PKD1L3: variants seen among roughly 807,000 people sequenced by gnomAD.
PKD1L3 encodes polycystin 1 like 3, transient receptor potential channel interacting, also known as polycystin-1-like protein 3.
In PKD1L3, 239 loss-of-function variants were observed where a neutral mutation model predicts 184.1. The observed-to-expected ratio is 1.30, with a 90% CI of 1.17 to 1.45. PKD1L3 has a LOEUF of 1.45. PKD1L3 is among the 40% of genes most tolerant of loss of function. PKD1L3 has a pLI of 0.00. For synonymous variants in PKD1L3, 996 were observed against 778.8 expected (o/e 1.28, Z -4.64); for missense variants, 2,660 against 2,067.2 (o/e 1.29, Z -5.56).
chr16:71,983,991 T>C, intron 6 of PKD1L3, 45 bp downstream of exon 6: 3 of 1,544,870 alleles, frequency 1.9e-6, no homozygotes, highest in Non-Finnish European at 2.6e-6. Context: ...TTTTCCGCTT[T>C]TCCCTCTCTC....
At chr16:71,983,633 G>A (rs2040242016) in intron 6 of PKD1L3, among the ~76,000 whole-genome samples, 1 of 144,206 alleles carries the variant, frequency 6.9e-6, no homozygotes, top group African/African-American at 2.6e-5. Context: ...TGCTAAGCTT[G>A]GCATAAGGCA....
At position 71,951,608 on chromosome 16, in the gene PKD1L3, T is replaced by TC. The variant is rs1440770973; in HGVS notation, c.3145dup (p.Glu1049GlyfsTer19). ...TCCCTGCTGATGACAGCCTTGACCCTCCAAGTGAGATGATACGAGGCTGGA... is the reference window on the plus strand; with the variant it reads ...TCCCTGCTGATGACAGCCTTGACCCTCCCAAGTGAGATGATACGAGGCTGGA... On this transcript the variant is annotated frameshift_variant, in exon 19 of 30. Coordinates refer to ENST00000620267, the MANE Select transcript of PKD1L3 (RefSeq NM_181536.2). LOFTEE classifies it high-confidence loss of function. The TC allele has an allele frequency of 3.9e-6, 6 of 1,551,720 alleles. No homozygotes were observed. Among genetic ancestry groups the TC allele is most frequent in the Non-Finnish European group, 5.2e-6 (6 of 1,147,020 alleles).
At position 71,933,427 on chromosome 16, in the gene PKD1L3, T is replaced by C; in HGVS notation, c.4919A>G (p.Gln1640Arg). The C allele has an allele frequency of 6.5e-7, 1 of 1,541,946 alleles. No individual in the cohort carries two copies. The highest frequency in any genetic ancestry group is 8.8e-7 in the Non-Finnish European group (1 of 1,138,112). ...VVGLLMGISH[Q>R]EEVFALDPVL... ...ACAAATTATTATTTTTACCTCCTCT[T>C]GGTGAGAAATTCCCATCAGGAGACC... Residue 1640 changes from glutamine to arginine, a missense_variant, in exon 28 of 30, where the codon CAA becomes CGA. Transcript: ENST00000620267.
At chr16:71,992,390 A>T (rs2040622152) in intron 3 of PKD1L3, among the ~76,000 whole-genome samples, 1 of 152,232 alleles carries the variant, frequency 6.6e-6, no homozygotes, top group African/African-American at 2.4e-5. Flanking sequence ...TGACACTTAA[A>T]GCCACATGTT....
intron 21 of PKD1L3, among the ~76,000 whole-genome samples, chr16:71,948,144 C>T (rs980842346): frequency 6.6e-6 from 1 of 152,042 alleles, no homozygotes. Flanking sequence ...TACAACGGCA[C>T]GATCTTGGCT....
intron 22 of PKD1L3, among the ~76,000 whole-genome samples, chr16:71,945,288 A>AT (rs2038534550): frequency 1.5e-5 from 1 of 66,382 alleles, no homozygotes; most frequent in African/African-American, 6.3e-5. Context: ...ATATATATAT[A>AT]TATATATATA....
chr16:71,987,070 G>A (rs992547343), intron 4 of PKD1L3, among the ~76,000 whole-genome samples: 36 of 148,574 alleles, frequency 2.4e-4, no homozygotes, highest in African/African-American at 5.5e-4. Context: ...GATTACAGGC[G>A]TGCACCACCA....
intron 16 of PKD1L3, among the ~76,000 whole-genome samples, chr16:71,958,756 A>C (rs1480560018): frequency 7.6e-6 from 1 of 132,174 alleles, no homozygotes; most frequent in African/African-American, 2.9e-5. Flanking sequence ...ACTCCAGCCT[A>C]GGCGATAGAG....
Position 71,999,704 on chromosome 16 carries a change from T to A in PKD1L3, c.275A>T (p.His92Leu), listed in dbSNP as rs374446932. The A allele has an allele frequency of 1.3e-6, 2 of 1,549,008 alleles. No homozygotes were observed. Among genetic ancestry groups the A allele is most frequent in the Non-Finnish European group, 1.7e-6 (2 of 1,145,182 alleles). ...CTTACCTGGGTATTTGTTGTCTTGA[T>A]GCTTTTTCAATGGCATTACATTTTG... is the stretch of plus-strand genomic sequence containing the variant. Reference protein sequence around the residue: ...IGQNVMPLKKHQDNKYPADVA... With the variant: ...IGQNVMPLKKLQDNKYPADVA... Residue 92 changes from histidine (H) to leucine (L), a missense_variant, in exon 1 of 30, where the codon CAT becomes CTT. Physicochemically the swap from His to Leu is moderately conservative, Grantham distance 99. Coordinates refer to ENST00000620267, the MANE Select transcript of PKD1L3 (RefSeq NM_181536.2).
At chr16:71,931,014 C>T (rs1053949852) in intron 28 of PKD1L3, 13 of 152,304 alleles carry the variant, frequency 8.5e-5, no homozygotes, top group South Asian at 6.2e-4. Flanking sequence ...TGGGCAATCT[C>T]TGAGTTTGTG....
chr16:71,940,506 T>A (rs1170950865), intron 24 of PKD1L3, among the ~76,000 whole-genome samples: 1 of 152,082 alleles, frequency 6.6e-6, no homozygotes. Flanking sequence ...TTTATTTTTT[T>A]TTTATTTTTT....
At chr16:71,982,301 T>G (rs2040193821) in intron 6 of PKD1L3, 66 bp from the exon 7 acceptor site, 5 of 1,151,946 alleles carry the variant, frequency 4.3e-6, no homozygotes, top group Non-Finnish European at 5.9e-6. Context: ...TTTTTTTTTT[T>G]GGTGACAGAG....
At chr16:71,984,282 C>T in intron 5 of PKD1L3, 115 bp from the exon 6 acceptor site, 1 of 1,006,708 alleles carries the variant, frequency 9.9e-7, no homozygotes, top group Non-Finnish European at 1.4e-6. Context: ...ACCCTATGAA[C>T]CACAGCTCTC....
intron 21 of PKD1L3, among the ~76,000 whole-genome samples, chr16:71,949,286 T>C (rs1164232610): frequency 1.3e-5 from 2 of 152,094 alleles, no homozygotes; most frequent in East Asian, 1.9e-4. Flanking sequence ...CCATACTTCT[T>C]AGTTTTTTCT....
intron 22 of PKD1L3, among the ~76,000 whole-genome samples, chr16:71,947,289 G>C (rs575297306): frequency 2.0e-5 from 3 of 152,048 alleles, no homozygotes; most frequent in Non-Finnish European, 4.4e-5. Flanking sequence ...ATGCAGGGGA[G>C]AGATGAAGCA....
chr16:71,929,778 TAA>T (rs2037859947), intron 29 of PKD1L3, 100 bp from the exon 30 acceptor site: 1 of 1,179,358 alleles, frequency 8.5e-7, no homozygotes, highest in Non-Finnish European at 1.2e-6. Context: ...TTAGTAAATG[TAA>T]AGATACTATT....
At chr16:71,991,699 T>G (rs372866057) in intron 3 of PKD1L3, among the ~76,000 whole-genome samples, 3 of 152,168 alleles carry the variant, frequency 2.0e-5, no homozygotes, top group African/African-American at 4.8e-5. Context: ...ACAAATGAAA[T>G]AGAAGTGATA....
At chr16:71,994,387 G>C (rs2040705414) in intron 2 of PKD1L3, among the ~76,000 whole-genome samples, 1 of 152,124 alleles carries the variant, frequency 6.6e-6, no homozygotes, top group African/African-American at 2.4e-5. Flanking sequence ...GTCCTTCCAT[G>C]ACTCTGACCA....
In PKD1L3 at chr16:71,937,293, T is replaced by G; in HGVS notation, c.4451A>C (p.Gln1484Pro). The G allele has an allele frequency of 1.3e-6, 2 of 1,550,702 alleles. No homozygotes were observed. The highest frequency in any genetic ancestry group is 1.2e-5 in the South Asian group (1 of 83,836). Reference protein sequence around the residue: ...YLLVCYYAFIQGCQLKQQKWR... With the variant: ...YLLVCYYAFIPGCQLKQQKWR... ...TGACATCTAACATTATTGACTCACC[T>G]GTATGAAGGCATAGTAACAGACCAG... The change falls in exon 25 of 30, where the codon CAG becomes CCG. Residue 1484 changes from glutamine to proline, a missense_variant and splice_region_variant. Transcript: ENST00000620267.
Sources: gnomAD v4.1 joint callset for allele counts (sites outside exome capture counted in the v4.1 genomes callset) on GRCh38, gnomAD v4.1.1 for gene constraint, MANE v1.5 for transcripts, NCBI Gene and HGNC (gene_info 2026-07-23, HGNC 2026-07-21) for gene names.